KATNAL1: variants seen among roughly 807,000 people sequenced by gnomAD.
KATNAL1 encodes katanin catalytic subunit A1 like 1.
A neutral mutation model predicts 55.2 loss-of-function variants in KATNAL1; 32 were observed. That is an observed-to-expected ratio of 0.58 (90% CI 0.44 to 0.78). The LOEUF (loss-of-function observed/expected upper bound fraction) is 0.78, where lower values mean the gene tolerates loss of function less well. Among genes scored for constraint, KATNAL1 ranks in the 30% least tolerant of loss-of-function variants. The probability of loss-of-function intolerance (pLI) is 0.00; values close to 1 mark genes in which losing one functional copy is unlikely to be tolerated. For synonymous variants in KATNAL1, 193 were observed against 193.6 expected (o/e 1.00, Z 0.02); for missense variants, 466 against 600.9 (o/e 0.78, Z 2.35).
intron 1 of KATNAL1, among the ~76,000 whole-genome samples, chr13:30,295,974 C>A (rs1882458072): frequency 6.7e-6 from 1 of 150,330 alleles, no homozygotes; most frequent in Non-Finnish European, 1.5e-5. Flanking sequence ...GAGGCCAAGG[C>A]AGGAGTATCA....
chr13:30,255,660 A>G (rs756283558), intron 3 of KATNAL1, 45 bp from the exon 4 acceptor site: 10 of 1,348,268 alleles, frequency 7.4e-6, no homozygotes, highest in Non-Finnish European at 7.6e-6. Context: ...AATTAAAATT[A>G]ATCAAAGGCA....
At chr13:30,285,060 A>G (rs1881684364) in intron 1 of KATNAL1, among the ~76,000 whole-genome samples, 1 of 152,172 alleles carries the variant, frequency 6.6e-6, no homozygotes, top group Non-Finnish European at 1.5e-5. Flanking sequence ...TGACTCTTCT[A>G]CTCTGACTCT....
intron 3 of KATNAL1, among the ~76,000 whole-genome samples, chr13:30,257,806 T>G (rs1307992919): frequency 6.6e-6 from 1 of 152,216 alleles, no homozygotes; most frequent in Non-Finnish European, 1.5e-5. Flanking sequence ...GTGTCGTTTG[T>G]GGCAAGGCCC....
chr13:30,217,910 C>G (rs763497963), intron 9 of KATNAL1, among the ~76,000 whole-genome samples: 5 of 152,082 alleles, frequency 3.3e-5, no homozygotes, highest in Non-Finnish European at 7.3e-5. Flanking sequence ...TCCTGAGGGA[C>G]ATCTGGGAAA....
At chr13:30,260,011 C>A (rs139338512) in intron 3 of KATNAL1, among the ~76,000 whole-genome samples, 2,011 of 152,298 alleles carry the variant, frequency 0.013, 37 homozygotes, top group African/African-American at 0.045. Context: ...TCTCCCAGCA[C>A]GCAGCTGGAG....
intron 4 of KATNAL1, 102 bp downstream of exon 4, chr13:30,255,345 C>A (rs1489547950): frequency 1.8e-5 from 17 of 943,962 alleles, no homozygotes; most frequent in Non-Finnish European, 2.4e-5. Flanking sequence ...TCTAACTCTT[C>A]CACGTCAAAA....
chr13:30,302,920 GAAGTA>G (rs1437342912), intron 1 of KATNAL1, among the ~76,000 whole-genome samples: 1 of 152,150 alleles, frequency 6.6e-6, no homozygotes, highest in Admixed American at 6.5e-5. Flanking sequence ...AATACCCTGG[GAAGTA>G]AATACAATTG....
At chr13:30,279,388 C>G (rs376898350) in intron 3 of KATNAL1, among the ~76,000 whole-genome samples, 1 of 152,058 alleles carries the variant, frequency 6.6e-6, no homozygotes, top group African/African-American at 2.4e-5. Context: ...TATGTCTGGG[C>G]AAATCAAAAG....
At chr13:30,296,086 C>T (rs1237200122) in intron 1 of KATNAL1, 4 of 302,080 alleles carry the variant, frequency 1.3e-5, no homozygotes, top group South Asian at 6.6e-5. Context: ...GCACTGAGAA[C>T]GCGGGTCCAC....
rs1873260179 is a variant in KATNAL1, at chr13:30,207,520, A to G, written c.*1020T>C. ...TTAGAATGTAAAAGTATTTATCTCAAATACTAAAATCAAACTCAAGAAAAA... is the reference window on the plus strand; with the variant it reads ...TTAGAATGTAAAAGTATTTATCTCAGATACTAAAATCAAACTCAAGAAAAA... On this transcript the variant is annotated 3_prime_UTR_variant, in exon 11 of 11. Transcript: ENST00000380615. The G allele has an allele frequency of 6.6e-6, 1 of 152,252 alleles. No homozygotes were observed. Among genetic ancestry groups the G allele is most frequent in the African/African-American group, 2.4e-5 (1 of 41,462 alleles). The allele number at this position is 152,252 out of a possible 1,614,324, so 9.4% of individuals were successfully genotyped here.
chr13:30,306,401 T>C (rs943874538), intron 1 of KATNAL1, among the ~76,000 whole-genome samples: 2 of 151,998 alleles, frequency 1.3e-5, no homozygotes, highest in Non-Finnish European at 2.9e-5. Context: ...AAGTTACTAG[T>C]AATTTAAAGC....
intron 4 of KATNAL1, among the ~76,000 whole-genome samples, chr13:30,253,285 A>G (rs9551879): frequency 0.16 from 24,280 of 152,192 alleles, 2,328 homozygotes; most frequent in East Asian, 0.34. Flanking sequence ...GACTCAGAAC[A>G]TATCTTTTAT....
chr13:30,245,654 C>T (rs1270066048), intron 4 of KATNAL1, among the ~76,000 whole-genome samples: 1 of 152,072 alleles, frequency 6.6e-6, no homozygotes, highest in African/African-American at 2.4e-5. Flanking sequence ...TTTAGAAAAC[C>T]CTATCGTCTC....
intron 1 of KATNAL1, among the ~76,000 whole-genome samples, chr13:30,295,771 G>A (rs549290178): frequency 1.3e-5 from 2 of 152,292 alleles, no homozygotes; most frequent in Admixed American, 1.3e-4. Flanking sequence ...CAGCAGCAGG[G>A]TTTGGAGAGG....
chr13:30,233,586 C>T (rs1415102035), intron 6 of KATNAL1, among the ~76,000 whole-genome samples: 2 of 147,334 alleles, frequency 1.4e-5, no homozygotes, highest in Admixed American at 6.8e-5. Context: ...ATTCCACTAC[C>T]GGGAATATAT....
At chr13:30,240,674 G>A (rs1190505095) in intron 5 of KATNAL1, 109 bp from the exon 6 acceptor site, 2 of 767,520 alleles carry the variant, frequency 2.6e-6, no homozygotes, top group Non-Finnish European at 4.2e-6. Context: ...CTCATAGTAA[G>A]AACATTATTC....
At chr13:30,271,959 G>A (rs541914534) in intron 3 of KATNAL1, among the ~76,000 whole-genome samples, 2 of 151,204 alleles carry the variant, frequency 1.3e-5, no homozygotes, top group African/African-American at 4.8e-5. Context: ...CAAAGAAGAT[G>A]GTCAACATTA....
chr13:30,254,815 A>G (rs1266670709), intron 4 of KATNAL1, among the ~76,000 whole-genome samples: 1 of 152,228 alleles, frequency 6.6e-6, no homozygotes, highest in Non-Finnish European at 1.5e-5. Flanking sequence ...CCTAAGAGAC[A>G]CATCAGATCA....
chr13:30,306,251 A>C (rs1261466885), intron 1 of KATNAL1, among the ~76,000 whole-genome samples: 3 of 152,214 alleles, frequency 2.0e-5, no homozygotes, highest in Non-Finnish European at 4.4e-5. Flanking sequence ...TGTACTCCTG[A>C]ACATAAAAAA....
Sources: allele counts gnomAD v4.1 joint callset (sites outside exome capture counted in the v4.1 genomes callset), GRCh38; gene constraint gnomAD v4.1.1; transcripts MANE v1.5; gene names NCBI Gene and HGNC (gene_info 2026-07-23, HGNC 2026-07-21).